The following RNF24 variants were observed in gnomAD, a reference collection of about 807,000 sequenced individuals.
The protein encoded by RNF24 is ring finger protein 24.
RNF24 carries 14 observed loss-of-function variants against 20.0 expected under a neutral mutation model. That is an observed-to-expected ratio of 0.70 (90% CI 0.46 to 1.10). The LOEUF (loss-of-function observed/expected upper bound fraction) is 1.10, where lower values mean the gene tolerates loss of function less well. Among genes scored for constraint, RNF24 ranks in the 50% least tolerant of loss-of-function variants. The probability of loss-of-function intolerance (pLI) is 0.00; values close to 1 mark genes in which losing one functional copy is unlikely to be tolerated. For synonymous variants in RNF24, 45 were observed against 61.1 expected, an observed-to-expected ratio of 0.74 and a Z score of 1.23; for missense variants, 124 against 177.6, an observed-to-expected ratio of 0.70 and a Z score of 1.71.
At chr20:3,999,134 A>G (rs1391181259) in intron 1 of RNF24, among the ~76,000 whole-genome samples, 2 of 152,350 alleles carry the variant, frequency 1.3e-5, no homozygotes, top group East Asian at 3.9e-4. Context: ...TAGATATCAT[A>G]TAAGAATGTC....
chr20:3,970,038 A>T (rs1276387558), intron 1 of RNF24, among the ~76,000 whole-genome samples: 1 of 152,126 alleles, frequency 6.6e-6, no homozygotes, highest in Admixed American at 6.5e-5. Flanking sequence ...ATATCAGTAG[A>T]GACTACATGT....
chr20:4,014,739 G>GCGCACA lies in RNF24; in HGVS notation c.-8+697_-8+698insTGTGCG, dbSNP rs1555804206. Among the ~76,000 whole-genome samples, 741 of 143,764 alleles carry GCGCACA rather than the reference G, an allele frequency of 5.2e-3. 9 individuals are homozygous for GCGCACA. Among genetic ancestry groups the GCGCACA allele is most frequent in the African/African-American group, 0.016 (639 of 38,954 alleles). 94.3% of individuals were successfully genotyped at this position (143,764 alleles called of 152,430 possible). ...ATAGATGTCCCTTTCACTTGAATGCGCACACACACACACACACACACACAC... is the reference window on the plus strand; with the variant it reads ...ATAGATGTCCCTTTCACTTGAATGCGCGCACACACACACACACACACACACACACAC... On this transcript the variant is annotated intron_variant, in intron 1 of 5. Coordinates refer to ENST00000358395, the MANE Select transcript of RNF24 (RefSeq NM_001134337.3).
chr20:4,002,072 G>A (rs1981443685), intron 1 of RNF24, among the ~76,000 whole-genome samples: 1 of 151,954 alleles, frequency 6.6e-6, no homozygotes, highest in African/African-American at 2.4e-5. Context: ...GCCACATCAT[G>A]AAACCCCATC....
intron 1 of RNF24, among the ~76,000 whole-genome samples, chr20:4,012,241 C>T (rs1212634369): frequency 1.3e-5 from 2 of 152,040 alleles, no homozygotes; most frequent in Admixed American, 6.5e-5. Flanking sequence ...GGCAAAACTC[C>T]GTCTCTACTA....
At chr20:3,989,574 T>C (rs1980245990) in intron 1 of RNF24, among the ~76,000 whole-genome samples, 1 of 152,190 alleles carries the variant, frequency 6.6e-6, no homozygotes, top group Non-Finnish European at 1.5e-5. Context: ...AATACGACAG[T>C]TGTTGTTTAC....
At chr20:4,010,076 AACAAACAAAC>A (rs1982321636) in intron 1 of RNF24, among the ~76,000 whole-genome samples, 1 of 148,264 alleles carries the variant, frequency 6.7e-6, no homozygotes, top group African/African-American at 2.6e-5. Context: ...CAAACAAACA[AACAAACAAAC>A]AAACAAGGCC....
chr20:3,949,707 C>T (rs950861537), intron 2 of RNF24, among the ~76,000 whole-genome samples: 1 of 152,038 alleles, frequency 6.6e-6, no homozygotes, highest in African/African-American at 2.4e-5. Flanking sequence ...GTACTCATAA[C>T]AATTTTACTT....
chr20:3,989,496 A>T (rs970762014), intron 1 of RNF24, among the ~76,000 whole-genome samples: 13 of 151,274 alleles, frequency 8.6e-5, no homozygotes, highest in Non-Finnish European at 1.3e-4. Flanking sequence ...ATCTCAAAAA[A>T]AAAAAATAAA....
chr20:3,981,966 A>T (rs1265734005), intron 1 of RNF24, among the ~76,000 whole-genome samples: 3 of 151,944 alleles, frequency 2.0e-5, no homozygotes, highest in Non-Finnish European at 2.9e-5. Context: ...AAAAATATAA[A>T]AATTAGCTGG....
At chr20:3,977,682 G>A (rs952038006) in intron 1 of RNF24, among the ~76,000 whole-genome samples, 3 of 151,848 alleles carry the variant, frequency 2.0e-5, no homozygotes, top group African/African-American at 4.8e-5. Flanking sequence ...TGGCTAACAC[G>A]GTGAAACCCC....
rs1982829225 is a variant in RNF24 at position 4,015,501 on chromosome 20, TGCGGGCGGCG to T, written c.-82_-73del. ...CAGCGCCCTGCGGCGGGCGGCAGGCTGCGGGCGGCGAGCGTCCGTCCGGACAGAGCGCGGC... is the reference window on the plus strand; with the variant it reads ...CAGCGCCCTGCGGCGGGCGGCAGGCTAGCGTCCGTCCGGACAGAGCGCGGC... On this transcript the variant is annotated 5_prime_UTR_variant, in exon 1 of 6. Transcript: ENST00000358395. 6.6e-6 allele frequency: 1 copy of T among 150,626 alleles called. No individual in the cohort carries two copies. Among genetic ancestry groups the T allele is most frequent in the Non-Finnish European group, 1.5e-5 (1 of 67,518 alleles). The allele number at this position is 150,626 out of a possible 1,614,324, so 9.3% of individuals were successfully genotyped here.
At chr20:4,001,151 C>T (rs1981355480) in intron 1 of RNF24, among the ~76,000 whole-genome samples, 1 of 152,118 alleles carries the variant, frequency 6.6e-6, no homozygotes, top group African/African-American at 2.4e-5. Flanking sequence ...CCTGTAGTCC[C>T]AGCTACTTGG....
intron 2 of RNF24, among the ~76,000 whole-genome samples, chr20:3,962,316 T>C (rs2091210453): frequency 1.3e-5 from 2 of 152,176 alleles, no homozygotes; most frequent in African/African-American, 4.8e-5. Flanking sequence ...ACTGTGCCAC[T>C]GCACTCCAAC....
intron 1 of RNF24, among the ~76,000 whole-genome samples, chr20:3,968,582 C>T (rs751688454): frequency 2.2e-4 from 33 of 152,172 alleles, no homozygotes; most frequent in Non-Finnish European, 7.3e-5. Flanking sequence ...ATCACTGCTA[C>T]GCTCCAGCCT....
intron 2 of RNF24, among the ~76,000 whole-genome samples, chr20:3,956,494 C>T (rs1419114408): frequency 6.6e-6 from 1 of 151,416 alleles, no homozygotes; most frequent in Non-Finnish European, 1.5e-5. Flanking sequence ...TTTCTTTCCT[C>T]TTTTTCCTGA....
intron 1 of RNF24, among the ~76,000 whole-genome samples, chr20:4,004,716 C>A (rs993335199): frequency 6.6e-6 from 1 of 152,144 alleles, no homozygotes; most frequent in Non-Finnish European, 1.5e-5. Flanking sequence ...TTGGAGGGAG[C>A]ACAGCAACCC....
intron 1 of RNF24, among the ~76,000 whole-genome samples, chr20:3,969,773 G>GTTTT (rs34975215): frequency 1.5e-5 from 2 of 136,274 alleles, no homozygotes; most frequent in African/African-American, 2.7e-5. Context: ...GCTGAAATCT[G>GTTTT]TTTTTTTTTT....
intron 4 of RNF24, among the ~76,000 whole-genome samples, chr20:3,935,902 C>T (rs1318923659): frequency 6.6e-6 from 1 of 152,150 alleles, no homozygotes; most frequent in Non-Finnish European, 1.5e-5. Flanking sequence ...CACTGATGTG[C>T]TGTTGTGCCA....
chr20:3,955,175 A>C (rs2091128820), intron 2 of RNF24, among the ~76,000 whole-genome samples: 1 of 152,104 alleles, frequency 6.6e-6, no homozygotes, highest in African/African-American at 2.4e-5. Flanking sequence ...GAATTGTTTA[A>C]GTCTTTTGCC....
Sources: allele counts gnomAD v4.1 joint callset (sites outside exome capture counted in the v4.1 genomes callset), GRCh38; gene constraint gnomAD v4.1.1; transcripts MANE v1.5; gene names NCBI Gene and HGNC (gene_info 2026-07-23, HGNC 2026-07-21).